RIT2: variants seen among roughly 807,000 people sequenced by gnomAD.
RIT2 encodes the protein Ras like without CAAX 2.
Under a neutral mutation model 23.7 loss-of-function variants are expected in RIT2, and 24 were observed. The observed-to-expected ratio is 1.01, with a 90% CI of 0.73 to 1.43. The LOEUF is 1.43. Ranked by LOEUF, RIT2 falls within the 40% of genes most tolerant of loss-of-function variation. The pLI, the probability that RIT2 is intolerant of heterozygous loss-of-function variation, is 0.00. For synonymous variants in RIT2, 107 were observed against 91.1 expected (o/e 1.17, Z -0.99); for missense variants, 236 against 266.9 (o/e 0.88, Z 0.81).
intron 4 of RIT2, among the ~76,000 whole-genome samples, chr18:42,888,148 C>G (rs148828712): frequency 2.6e-5 from 4 of 151,348 alleles, no homozygotes; most frequent in Admixed American, 2.0e-4. Context: ...ATGTAAACTA[C>G]GGGCTTTGGG....
chr18:42,965,847 A>AT (rs1318149260), intron 3 of RIT2, among the ~76,000 whole-genome samples: 2 of 150,954 alleles, frequency 1.3e-5, no homozygotes, highest in Non-Finnish European at 2.9e-5. Flanking sequence ...TCAAAAAGTG[A>AT]TACATGAATA....
chr18:43,106,289 C>A (rs1913820489), intron 1 of RIT2, among the ~76,000 whole-genome samples: 1 of 152,122 alleles, frequency 6.6e-6, no homozygotes, highest in Non-Finnish European at 1.5e-5. Flanking sequence ...TTTATGAACA[C>A]AAACACACAC....
chr18:42,871,204 C>A (rs555368369), intron 4 of RIT2, among the ~76,000 whole-genome samples: 56 of 152,346 alleles, frequency 3.7e-4, no homozygotes, highest in South Asian at 1.0e-3. Context: ...CTGTTGCATT[C>A]ATCAGCAACA....
chr18:42,997,685 T>G (rs577864093), intron 2 of RIT2, among the ~76,000 whole-genome samples: 1 of 148,832 alleles, frequency 6.7e-6, no homozygotes, highest in East Asian at 2.1e-4. Context: ...TAATCAAAAC[T>G]GAAAAAAAAT....
intron 4 of RIT2, among the ~76,000 whole-genome samples, chr18:42,797,501 TTTTTA>T (rs1369689403): frequency 3.5e-4 from 54 of 152,184 alleles, no homozygotes; most frequent in African/African-American, 1.2e-3. Context: ...AATTTATAGT[TTTTTA>T]TTTTATTTTG....
intron 2 of RIT2, among the ~76,000 whole-genome samples, chr18:43,009,671 A>G (rs142835560): frequency 6.6e-6 from 1 of 151,690 alleles, no homozygotes; most frequent in Non-Finnish European, 1.5e-5. Context: ...ATTTTTAACC[A>G]GACTAAATCT....
rs201121874 is a variant in RIT2, at chr18:42,810,008, AGTTATATAT to A, written c.427-66297_427-66289del. Reference sequence around the variant, plus strand: ...ATGTTATATATAACATATATGTATAAGTTATATATGTTACATATATGTATATATAAGTTA... The same window carrying A: ...ATGTTATATATAACATATATGTATAAGTTACATATATGTATATATAAGTTA... On this transcript the variant is annotated intron_variant, in intron 4 of 4. Coordinates refer to ENST00000326695, the MANE Select transcript of RIT2 (RefSeq NM_002930.4). 8.9e-5 allele frequency among the ~76,000 whole-genome samples: 13 copies of A among 146,200 alleles called. No individual in the cohort carries two copies. The East Asian group carries it at 2.6e-3, about 29-fold the overall frequency.
At chr18:43,113,013 A>G (rs1913988969) in intron 1 of RIT2, among the ~76,000 whole-genome samples, 1 of 152,162 alleles carries the variant, frequency 6.6e-6, no homozygotes. Flanking sequence ...TGATATGAAA[A>G]GTAGGTTTTA....
intron 4 of RIT2, among the ~76,000 whole-genome samples, chr18:42,830,621 A>T (rs925669595): frequency 1.3e-5 from 2 of 152,184 alleles, no homozygotes; most frequent in Admixed American, 1.3e-4. Flanking sequence ...TCAAGACAGG[A>T]ATTTACTAAT....
At chr18:42,903,613 C>G (rs1432003569) in intron 4 of RIT2, among the ~76,000 whole-genome samples, 2 of 151,952 alleles carry the variant, frequency 1.3e-5, no homozygotes, top group Non-Finnish European at 2.9e-5. Flanking sequence ...AGAAAATCTT[C>G]ACTTCAATCC....
At chr18:42,897,582 C>T (rs1337433217) in intron 4 of RIT2, among the ~76,000 whole-genome samples, 1 of 152,006 alleles carries the variant, frequency 6.6e-6, no homozygotes, top group African/African-American at 2.4e-5. Context: ...CAAATAAATG[C>T]ATAGCACATA....
intron 2 of RIT2, among the ~76,000 whole-genome samples, chr18:43,004,591 C>T (rs1439391295): frequency 1.3e-5 from 2 of 151,828 alleles, no homozygotes; most frequent in African/African-American, 4.8e-5. Context: ...TGCAATTAGT[C>T]CATTCTGCTG....
chr18:43,064,784 A>G (rs187069587), intron 1 of RIT2, among the ~76,000 whole-genome samples: 48 of 152,240 alleles, frequency 3.2e-4, no homozygotes, highest in Non-Finnish European at 1.3e-4. Context: ...AAAATTTTAT[A>G]TTCTGTATTC....
At chr18:42,977,623 G>A (rs1484438060) in intron 2 of RIT2, among the ~76,000 whole-genome samples, 1 of 151,596 alleles carries the variant, frequency 6.6e-6, no homozygotes, top group South Asian at 2.1e-4. Context: ...AAACACACAT[G>A]GGCACATACA....
chr18:42,977,698 T>C (rs1234856455), intron 2 of RIT2, among the ~76,000 whole-genome samples: 2 of 151,308 alleles, frequency 1.3e-5, no homozygotes, highest in Non-Finnish European at 2.9e-5. Context: ...TAAACACATA[T>C]ATACAATGGG....
chr18:42,856,954 G>C (rs1345170957), intron 4 of RIT2, among the ~76,000 whole-genome samples: 3 of 150,924 alleles, frequency 2.0e-5, no homozygotes, highest in African/African-American at 7.3e-5. Flanking sequence ...TCAGCCTCCG[G>C]AGCAGCTGGG....
intron 1 of RIT2, among the ~76,000 whole-genome samples, chr18:43,042,240 T>C (rs1346641133): frequency 6.6e-6 from 1 of 152,128 alleles, no homozygotes; most frequent in Non-Finnish European, 1.5e-5. Context: ...GTCTGAAAAA[T>C]GTGAAGAGGG....
chr18:42,892,659 A>G (rs1002883747), intron 4 of RIT2, among the ~76,000 whole-genome samples: 6 of 152,210 alleles, frequency 3.9e-5, no homozygotes, highest in African/African-American at 1.4e-4. Flanking sequence ...CAGCTTTAGG[A>G]TCATGTACAT....
intron 1 of RIT2, among the ~76,000 whole-genome samples, chr18:43,079,601 C>G (rs747976564): frequency 6.6e-6 from 1 of 152,166 alleles, no homozygotes; most frequent in African/African-American, 2.4e-5. Context: ...AAACTCCAAG[C>G]AAGGGAAACC....
Sources: gnomAD v4.1 joint callset for allele counts (sites outside exome capture counted in the v4.1 genomes callset) on GRCh38, gnomAD v4.1.1 for gene constraint, MANE v1.5 for transcripts, NCBI Gene and HGNC (gene_info 2026-07-23, HGNC 2026-07-21) for gene names.